Variants in SDK2 observed in about 807,000 individuals in gnomAD.
SDK2 encodes the protein sidekick cell adhesion molecule 2, also known as protein sidekick-2.
In SDK2, 105 loss-of-function variants were observed where a neutral mutation model predicts 253.9. The ratio of observed to expected loss-of-function variants is 0.41; its 90% CI spans 0.35 to 0.49. The LOEUF (loss-of-function observed/expected upper bound fraction) is 0.49, where lower values mean the gene tolerates loss of function less well. SDK2 is among the 20% of genes least tolerant of loss of function. SDK2 has a pLI of 0.06. For missense variants in SDK2, 2,608 were observed against 3,003.0 expected (o/e 0.87, Z 3.07); for synonymous variants, 1,249 against 1,234.9 (o/e 1.01, Z -0.24).
intron 1 of SDK2, among the ~76,000 whole-genome samples, chr17:73,594,581 A>G (rs2045727254): frequency 6.7e-6 from 1 of 149,426 alleles, no homozygotes; most frequent in Non-Finnish European, 1.5e-5. Context: ...TGCCTGCCTC[A>G]TGATGGGACA....
chr17:73,401,052 G>C lies in SDK2; in HGVS notation c.2939C>G (p.Ser980Cys). 6.3e-7 allele frequency: 1 copy of C among 1,578,352 alleles called. No homozygotes were observed. The highest frequency in any genetic ancestry group is 2.3e-5 in the East Asian group (1 of 43,046). ...AMTSKGQGQV[S>C]ASTISSGVPP... ...CACCCCAGAGGAGATGGTGGAGGCG[G>C]ACACTTGGCCCTGGCCCTTTGAGGT... The change falls in exon 21 of 45, where the codon TCC becomes TGC. Residue 980 changes from serine (S) to cysteine (C), a missense_variant. Ser to Cys is a moderately radical substitution (Grantham distance 112, BLOSUM62 -1). Around this residue, in one of 2 missense-constraint regions of SDK2, gnomAD observed 1,505 missense variants for 1,859.1 expected, o/e 0.81. Transcript: ENST00000392650.
In SDK2 at chr17:73,420,919, G is replaced by GC. The variant is rs375501462; in HGVS notation, c.2045+1367dup. Among the ~76,000 whole-genome samples, 861 of 151,572 alleles carry GC rather than the reference G, an allele frequency of 5.7e-3. 14 individuals are homozygous for GC. The highest frequency in any genetic ancestry group is 0.02 in the African/African-American group (821 of 41,306). Reference sequence around the variant, plus strand: ...TCGAACTCCTGACCTCAAGTGATCCGCCCCCCTCAGCCTCCCAAAGTGCTG... The same window carrying GC: ...TCGAACTCCTGACCTCAAGTGATCCGCCCCCCCTCAGCCTCCCAAAGTGCTG... On this transcript the variant is annotated intron_variant, in intron 15 of 44. Coordinates refer to ENST00000392650, the MANE Select transcript of SDK2 (RefSeq NM_001144952.2).
At chr17:73,536,645 G>T (rs371146640) in intron 1 of SDK2, among the ~76,000 whole-genome samples, 1 of 152,222 alleles carries the variant, frequency 6.6e-6, no homozygotes, top group African/African-American at 2.4e-5. Flanking sequence ...CCACGCCAGT[G>T]CGGGGGTCGC....
chr17:73,355,515 AT>A (rs1293536059), intron 40 of SDK2, among the ~76,000 whole-genome samples: 2 of 151,540 alleles, frequency 1.3e-5, no homozygotes, highest in Non-Finnish European at 2.9e-5. Flanking sequence ...TTTATTTTTT[AT>A]TTTTTATTTT....
chr17:73,550,669 C>G (rs1462861787), intron 1 of SDK2, among the ~76,000 whole-genome samples: 1 of 152,200 alleles, frequency 6.6e-6, no homozygotes, highest in African/African-American at 2.4e-5. Flanking sequence ...AGAGTCCACT[C>G]AAGAAAGCAG....
At chr17:73,347,270 G>A (rs2062492672) in intron 44 of SDK2, among the ~76,000 whole-genome samples, 1 of 152,210 alleles carries the variant, frequency 6.6e-6, no homozygotes, top group African/African-American at 2.4e-5. Flanking sequence ...TGAGGCACGA[G>A]AATCACTTGA....
In SDK2 at chr17:73,383,733, T is replaced by C; in HGVS notation, c.4705+143A>G. The stretch of plus-strand genomic sequence containing the variant: ...ATATTCAGTAAATGAATGAATGGGA[T>C]GGGAGGAGGGAGAGGCACACATGGA... On this transcript the variant is annotated intron_variant, in intron 33 of 44. Coordinates refer to ENST00000392650, the MANE Select transcript of SDK2 (RefSeq NM_001144952.2). This position sits in a 1 kb window ranked among gnomAD's most constrained non-coding sequence, Gnocchi z 4.3. 1.1e-6 allele frequency: 1 copy of C among 916,370 alleles called. No individual in the cohort carries two copies. Among genetic ancestry groups the C allele is most frequent in the Non-Finnish European group, 1.7e-6 (1 of 597,742 alleles). 56.8% of individuals were successfully genotyped at this position (916,370 alleles called of 1,614,324 possible). A position where few individuals can be genotyped will look rare whatever the true frequency, so the allele number is the denominator to read the frequency against.
In SDK2 at chr17:73,447,275, G is replaced by A. The variant is rs1007358775; in HGVS notation, c.613+340C>T. 1.3e-5 allele frequency among the ~76,000 whole-genome samples: 2 copies of A among 151,846 alleles called. No individual in the cohort carries two copies. Among genetic ancestry groups the A allele is most frequent in the African/African-American group, 2.4e-5 (1 of 41,314 alleles). On this transcript the variant is annotated intron_variant, in intron 5 of 44. Coordinates refer to ENST00000392650, the MANE Select transcript of SDK2 (RefSeq NM_001144952.2). The surrounding 1 kb of genome is among the most constrained non-coding windows in gnomAD (Gnocchi z 4.0). ...CCCTCCTGGTCAGCATCTGAGCCCC[G>A]ATAGTGGCTGCAACTCACACATGCA...
intron 1 of SDK2, among the ~76,000 whole-genome samples, chr17:73,540,551 T>C (rs2044853039): frequency 6.6e-6 from 1 of 152,230 alleles, no homozygotes; most frequent in Non-Finnish European, 1.5e-5. Context: ...TAACATAATA[T>C]ATATATAATA....
At chr17:73,423,041 A>G (rs12943172) in intron 14 of SDK2, among the ~76,000 whole-genome samples, 10 of 151,490 alleles carry the variant, frequency 6.6e-5, no homozygotes, top group East Asian at 1.9e-4. Context: ...TAAATAAATA[A>G]ATAATAAATA....
chr17:73,562,796 A>T (rs567928514), intron 1 of SDK2, among the ~76,000 whole-genome samples: 1 of 152,332 alleles, frequency 6.6e-6, no homozygotes, highest in East Asian at 1.9e-4. Flanking sequence ...TGGAAATGCC[A>T]CGTCTGCGTT....
At chr17:73,504,056 G>A (rs2063911143) in intron 2 of SDK2, among the ~76,000 whole-genome samples, 1 of 152,070 alleles carries the variant, frequency 6.6e-6, no homozygotes, top group Non-Finnish European at 1.5e-5. Context: ...CAAGGTTCTG[G>A]AAGCTCTGAC....
Position 73,525,776 on chromosome 17 carries a change from T to C in SDK2, c.65-18179A>G, listed in dbSNP as rs76935522. On this transcript the variant is annotated intron_variant, in intron 1 of 44. Coordinates refer to ENST00000392650, the MANE Select transcript of SDK2 (RefSeq NM_001144952.2). ...GCTCCCCCCTACCTTGCCCCCTAGA[T>C]TTCGGTGCCCTTGACTCCCATCCCA... Among the ~76,000 whole-genome samples the C allele has an allele frequency of 2.3e-3, 341 of 150,040 alleles. 2 individuals carry two copies. The highest frequency in any genetic ancestry group is 7.8e-3 in the African/African-American group (321 of 41,066).
intron 2 of SDK2, among the ~76,000 whole-genome samples, chr17:73,507,026 G>A (rs923409645): frequency 6.6e-6 from 1 of 152,228 alleles, no homozygotes; most frequent in Non-Finnish European, 1.5e-5. Context: ...CTGATCCCAG[G>A]TTGCTGCAGA....
chr17:73,361,852 G>A lies in SDK2; in HGVS notation c.5306-7C>T. ...GTCACGATCTTGCTGACTCCTGGGG[G>A]AGGCACAGCAAGTGGGGACTGGGCA... On this transcript the variant is annotated splice_region_variant and splice_polypyrimidine_tract_variant and intron_variant, in intron 38 of 44. Coordinates refer to ENST00000392650, the MANE Select transcript of SDK2 (RefSeq NM_001144952.2). This position sits in a 1 kb window ranked among gnomAD's most constrained non-coding sequence, Gnocchi z 4.1. 1 of 1,574,092 alleles carries A rather than the reference G, an allele frequency of 6.4e-7. No homozygotes were observed. Among genetic ancestry groups the A allele is most frequent in the Non-Finnish European group, 8.6e-7 (1 of 1,156,160 alleles).
chr17:73,453,419 C>A (rs942334847), intron 4 of SDK2, among the ~76,000 whole-genome samples: 3 of 151,282 alleles, frequency 2.0e-5, no homozygotes, highest in Non-Finnish European at 2.9e-5. Flanking sequence ...CTCTTGTCAC[C>A]CAGGCTAGAG....
rs879676135 is a variant in SDK2 at position 73,470,006 on chromosome 17, A to G, written c.331+2106T>C. Among the ~76,000 whole-genome samples, 1,318 of 151,166 alleles carry G rather than the reference A, an allele frequency of 8.7e-3. 13 individuals carry two copies. Among genetic ancestry groups the G allele is most frequent in the African/African-American group, 0.022 (897 of 40,922 alleles). On this transcript the variant is annotated intron_variant, in intron 3 of 44. Transcript: ENST00000392650. The stretch of plus-strand genomic sequence containing the variant: ...TGCGCGCGCGCGCACACACACACAC[A>G]CACACACACACACACACACACACAC...
rs994869987 is a variant in SDK2 at position 73,443,566 on chromosome 17, G to A, written c.614-2643C>T. Among the ~76,000 whole-genome samples the A allele has an allele frequency of 1.3e-5, 2 of 152,328 alleles. No individual in the cohort carries two copies. The highest frequency in any genetic ancestry group is 2.1e-4 in the South Asian group (1 of 4,824). ...AGGCGAGTTCTGAGTTTAAAAATAC[G>A]AGGGCTGCCCCAGGGCTCAGGGCTG... On this transcript the variant is annotated intron_variant, in intron 5 of 44. Transcript: ENST00000392650. The surrounding 1 kb of genome is among the most constrained non-coding windows in gnomAD (Gnocchi z 4.6).
intron 1 of SDK2, among the ~76,000 whole-genome samples, chr17:73,613,582 C>T (rs2046006015): frequency 8.7e-6 from 1 of 115,464 alleles, no homozygotes; most frequent in African/African-American, 3.8e-5. Context: ...AGCCACTGTG[C>T]GGCCCCACCC....
Sources: allele counts gnomAD v4.1 joint callset (sites outside exome capture counted in the v4.1 genomes callset), GRCh38; gene constraint gnomAD v4.1.1; regional missense constraint gnomAD v4.1.1; non-coding constraint Gnocchi (gnomAD v3.1); transcripts MANE v1.5; gene names NCBI Gene and HGNC (gene_info 2026-07-23, HGNC 2026-07-21).